Variants in GABRG3 observed in about 807,000 individuals in gnomAD.
GABRG3 encodes the protein gamma-aminobutyric acid receptor subunit gamma-3.
GABRG3 carries 25 observed loss-of-function variants against 48.8 expected under a neutral mutation model. The ratio of observed to expected loss-of-function variants is 0.51; its 90% CI spans 0.37 to 0.72. The LOEUF is 0.72. Among genes scored for constraint, GABRG3 ranks in the 30% least tolerant of loss-of-function variants. GABRG3 has a pLI of 0.00. For missense variants in GABRG3, 394 were observed against 577.9 expected, an observed-to-expected ratio of 0.68 and a Z score of 3.26; for synonymous variants, 227 against 217.6, an observed-to-expected ratio of 1.04 and a Z score of -0.38.
intron 3 of GABRG3, among the ~76,000 whole-genome samples, chr15:27,190,605 ATTC>A (rs1190384177): frequency 5.9e-5 from 9 of 151,802 alleles, no homozygotes; most frequent in Admixed American, 1.3e-4. Flanking sequence ...CATCTATTTT[ATTC>A]TTCTCTCTTT....
At chr15:27,053,528 T>C (rs1443664457) in intron 3 of GABRG3, among the ~76,000 whole-genome samples, 1 of 152,196 alleles carries the variant, frequency 6.6e-6, no homozygotes, top group African/African-American at 2.4e-5. Flanking sequence ...ACTTATACAC[T>C]GTTGGTGAGA....
At chr15:27,119,088 TGTACCCG>T (rs1290166909) in intron 3 of GABRG3, among the ~76,000 whole-genome samples, 10 of 152,192 alleles carry the variant, frequency 6.6e-5, no homozygotes, top group African/African-American at 2.4e-4. Context: ...TGTACCTCCC[TGTACCCG>T]GAGGAAAGGT....
intron 3 of GABRG3, among the ~76,000 whole-genome samples, chr15:27,218,947 G>T (rs373926264): frequency 1.3e-5 from 2 of 152,218 alleles, no homozygotes; most frequent in East Asian, 1.9e-4. Flanking sequence ...ATGAACAAAT[G>T]GATGCAAATC....
At chr15:27,317,250 G>T (rs1049526656) in intron 3 of GABRG3, among the ~76,000 whole-genome samples, 3 of 152,108 alleles carry the variant, frequency 2.0e-5, no homozygotes, top group Non-Finnish European at 2.9e-5. Context: ...CCTCCCCAGG[G>T]TGCCATCTCC....
chr15:27,102,348 G>C (rs919838398), intron 3 of GABRG3, among the ~76,000 whole-genome samples: 1 of 152,188 alleles, frequency 6.6e-6, no homozygotes, highest in Non-Finnish European at 1.5e-5. Flanking sequence ...GAATTTCCAC[G>C]AGGGAGCTAG....
chr15:27,270,083 A>G (rs1192893933), intron 3 of GABRG3, among the ~76,000 whole-genome samples: 1 of 152,220 alleles, frequency 6.6e-6, no homozygotes, highest in Non-Finnish European at 1.5e-5. Context: ...GAAGTCAGGA[A>G]TAGATAATGA....
rs573699792 is a variant in GABRG3, at chr15:27,444,393, A to G, written c.575-36257A>G. ...AATTAAAATATTTAACCACTATTAA[A>G]TATTATTTATTTTCTCTTAAAGTCC... On this transcript the variant is annotated intron_variant, in intron 5 of 9. Transcript: ENST00000615808. Among the ~76,000 whole-genome samples the G allele has an allele frequency of 2.4e-4, 37 of 152,300 alleles. 1 individual carries two copies. The South Asian group carries it at 7.2e-3, about 30-fold the overall frequency.
At chr15:27,037,702 C>T (rs955070400) in intron 3 of GABRG3, among the ~76,000 whole-genome samples, 18 of 152,184 alleles carry the variant, frequency 1.2e-4, no homozygotes, top group African/African-American at 2.2e-4. Flanking sequence ...TTGGCAGTTA[C>T]GCAAGAGACT....
At chr15:26,981,060 C>A (rs1395658699) in intron 2 of GABRG3, among the ~76,000 whole-genome samples, 3 of 152,028 alleles carry the variant, frequency 2.0e-5, no homozygotes, top group African/African-American at 7.3e-5. Flanking sequence ...TGCACATGTA[C>A]CCCTGAAGTT....
At chr15:27,303,990 C>T (rs375018835) in intron 3 of GABRG3, among the ~76,000 whole-genome samples, 23 of 151,838 alleles carry the variant, frequency 1.5e-4, no homozygotes, top group African/African-American at 4.1e-4. Flanking sequence ...AGGAAAGCTG[C>T]GCGGTCATAG....
chr15:27,231,036 T>G (rs972814559), intron 3 of GABRG3, among the ~76,000 whole-genome samples: 32 of 151,964 alleles, frequency 2.1e-4, no homozygotes, highest in Non-Finnish European at 1.0e-4. Flanking sequence ...TGTGTGTGTG[T>G]GTGTGTGTGT....
At chr15:27,318,196 T>G (rs937299477) in intron 3 of GABRG3, among the ~76,000 whole-genome samples, 2 of 152,202 alleles carry the variant, frequency 1.3e-5, no homozygotes, top group African/African-American at 4.8e-5. Flanking sequence ...TCTGGGAGAC[T>G]GTGTGTTTAA....
chr15:27,233,831 T>C (rs1044722791), intron 3 of GABRG3, among the ~76,000 whole-genome samples: 2 of 152,232 alleles, frequency 1.3e-5, no homozygotes, highest in African/African-American at 4.8e-5. Flanking sequence ...TTCATCCTCA[T>C]TCAGGTTTTG....
chr15:26,979,112 ACATTT>A (rs2140636289), intron 2 of GABRG3, among the ~76,000 whole-genome samples: 1 of 152,328 alleles, frequency 6.6e-6, no homozygotes, highest in African/African-American at 2.4e-5. Flanking sequence ...CTGTATTTTA[ACATTT>A]CATTTTGCCT....
At chr15:27,340,164 T>G (rs1416051411) in intron 5 of GABRG3, among the ~76,000 whole-genome samples, 4 of 152,196 alleles carry the variant, frequency 2.6e-5, no homozygotes, top group Admixed American at 2.6e-4. Flanking sequence ...GGTGAAGGTG[T>G]TATAGATTCC....
At chr15:27,291,076 T>G (rs935540078) in intron 3 of GABRG3, among the ~76,000 whole-genome samples, 1 of 152,166 alleles carries the variant, frequency 6.6e-6, no homozygotes, top group Non-Finnish European at 1.5e-5. Context: ...ACAACGGAAG[T>G]GCTCATATTT....
At chr15:27,191,417 G>A in intron 3 of GABRG3, among the ~76,000 whole-genome samples, 1 of 152,268 alleles carries the variant, frequency 6.6e-6, no homozygotes, top group Middle Eastern at 3.4e-3. Flanking sequence ...CCTGTATTGG[G>A]TGCATATATA....
chr15:27,018,660 T>C lies in GABRG3; in HGVS notation c.203-8094T>C, dbSNP rs1895823351. Among the ~76,000 whole-genome samples the C allele has an allele frequency of 2.6e-5, 4 of 152,210 alleles. No homozygotes were observed. In the South Asian group the frequency reaches 8.3e-4, roughly 32 times the overall value. On this transcript the variant is annotated intron_variant, in intron 2 of 9. Transcript: ENST00000615808. Reference sequence around the variant, plus strand: ...GCTGTAAACCTTATATTTAAGGGTCTGAGCCAAGTAAATTGGCCAAATTGG... The same window carrying C: ...GCTGTAAACCTTATATTTAAGGGTCCGAGCCAAGTAAATTGGCCAAATTGG...
intron 5 of GABRG3, among the ~76,000 whole-genome samples, chr15:27,354,864 A>G (rs1026623223): frequency 1.3e-5 from 2 of 152,252 alleles, no homozygotes; most frequent in Non-Finnish European, 2.9e-5. Context: ...ATTCAGCACC[A>G]CATGCTCAGT....
Sources: allele counts gnomAD v4.1 joint callset (sites outside exome capture counted in the v4.1 genomes callset), GRCh38; gene constraint gnomAD v4.1.1; transcripts MANE v1.5; gene names NCBI Gene and HGNC (gene_info 2026-07-23, HGNC 2026-07-21).